CIP2A: variants seen among roughly 807,000 people sequenced by gnomAD.
The protein encoded by CIP2A is protein CIP2A.
A neutral mutation model predicts 110.9 loss-of-function variants in CIP2A; 103 were observed. The observed-to-expected ratio is 0.93, with a 90% CI of 0.79 to 1.09. The LOEUF is 1.09. Among genes scored for constraint, CIP2A ranks in the 50% least tolerant of loss-of-function variants. The probability of loss-of-function intolerance (pLI) is 0.00; values close to 1 mark genes in which losing one functional copy is unlikely to be tolerated. For synonymous variants in CIP2A, 381 were observed against 361.6 expected (o/e 1.05, Z -0.61); for missense variants, 1,088 against 1,038.4 (o/e 1.05, Z -0.66).
intron 10 of CIP2A, among the ~76,000 whole-genome samples, chr3:108,567,729 C>G (rs1938235450): frequency 6.6e-6 from 1 of 151,822 alleles, no homozygotes; most frequent in South Asian, 2.1e-4. Context: ...AAAATCATGA[C>G]AACTCTATCA....
At chr3:108,587,218 A>T (rs1939070779) in intron 1 of CIP2A, among the ~76,000 whole-genome samples, 1 of 152,220 alleles carries the variant, frequency 6.6e-6, no homozygotes, top group African/African-American at 2.4e-5. Context: ...ATCCACAAAA[A>T]ATGTATGTCT....
intron 2 of CIP2A, among the ~76,000 whole-genome samples, chr3:108,584,253 C>T (rs1938974280): frequency 6.6e-6 from 1 of 152,126 alleles, no homozygotes; most frequent in African/African-American, 2.4e-5. Flanking sequence ...CACTAGGCAG[C>T]TATTAAAGAT....
At chr3:108,566,706 G>T in intron 10 of CIP2A, 68 bp from the exon 11 acceptor site, 2 of 977,518 alleles carry the variant, frequency 2.0e-6, no homozygotes, top group Non-Finnish European at 2.9e-6. Context: ...CATTCAGGAT[G>T]ATTTCATACA....
chr3:108,581,368 G>A, intron 5 of CIP2A, 47 bp downstream of exon 5: 1 of 1,295,974 alleles, frequency 7.7e-7, no homozygotes, highest in Non-Finnish European at 1.1e-6. Context: ...TTTAAGCAGA[G>A]AATCTACCAT....
chr3:108,584,012 G>T (rs530534968), intron 2 of CIP2A, among the ~76,000 whole-genome samples: 20 of 152,296 alleles, frequency 1.3e-4, no homozygotes, highest in African/African-American at 4.3e-4. Context: ...ACTGTTGGTG[G>T]ATGTTAGAAG....
At chr3:108,568,115 T>A in intron 10 of CIP2A, 40 bp downstream of exon 10, 1 of 1,477,180 alleles carries the variant, frequency 6.8e-7, no homozygotes. Flanking sequence ...AAAAGAATGG[T>A]TAGTTATACA....
intron 8 of CIP2A, among the ~76,000 whole-genome samples, chr3:108,570,146 C>T (rs1938336662): frequency 1.3e-5 from 2 of 151,956 alleles, no homozygotes; most frequent in Non-Finnish European, 2.9e-5. Flanking sequence ...TATACCATAA[C>T]ATCCCCCATC....
At chr3:108,558,776 C>T (rs1036453879) in intron 16 of CIP2A, among the ~76,000 whole-genome samples, 10 of 152,034 alleles carry the variant, frequency 6.6e-5, no homozygotes, top group African/African-American at 2.4e-4. Context: ...AGTCAAGTGC[C>T]ACGACAAGGA....
chr3:108,550,064 C>T lies in CIP2A; in HGVS notation c.*1085G>A, dbSNP rs974818964. On this transcript the variant is annotated 3_prime_UTR_variant, in exon 21 of 21. Transcript: ENST00000295746. ...TGTACAAATCTAAATTCACTTAAAT[C>T]AAACAGACATATGGTGAAGAAAACA... The T allele has an allele frequency of 2.0e-5, 3 of 151,730 alleles. No individual in the cohort carries two copies. Among genetic ancestry groups the T allele is most frequent in the African/African-American group, 7.3e-5 (3 of 41,370 alleles). The allele number at this position is 151,730 out of a possible 1,614,324, so 9.4% of individuals were successfully genotyped here.
chr3:108,552,084 C>G, intron 20 of CIP2A, 150 bp downstream of exon 20: 1 of 546,942 alleles, frequency 1.8e-6, no homozygotes, highest in Non-Finnish European at 3.1e-6. Context: ...TTATGAAAAC[C>G]TCATAACAAA....
chr3:108,560,602 C>T, intron 14 of CIP2A, 47 bp downstream of exon 14: 1 of 1,173,606 alleles, frequency 8.5e-7, no homozygotes, highest in Non-Finnish European at 1.2e-6. Context: ...TTGGGACTGA[C>T]ATATAGCTAA....
intron 8 of CIP2A, among the ~76,000 whole-genome samples, chr3:108,575,377 CATGT>C (rs904484370): frequency 6.7e-6 from 1 of 149,498 alleles, no homozygotes; most frequent in Non-Finnish European, 1.5e-5. Flanking sequence ...TACACATATA[CATGT>C]ATGCGTGTAT....
At chr3:108,554,279 ATTAATT>A (rs1344472178) in intron 18 of CIP2A, 91 bp downstream of exon 18, 2 of 550,272 alleles carry the variant, frequency 3.6e-6, no homozygotes, top group East Asian at 6.4e-5. Flanking sequence ...TGACAATTCT[ATTAATT>A]TTATCAATAA....
Position 108,589,326 on chromosome 3 carries a change from TACTG to T in CIP2A, c.46_49del (p.Gln16ThrfsTer4), listed in dbSNP as rs1449932805. 2.1e-5 allele frequency: 34 copies of T among 1,614,002 alleles called. No individual in the cohort carries two copies. Among genetic ancestry groups the T allele is most frequent in the Non-Finnish European group, 2.6e-5 (31 of 1,180,002 alleles). The stretch of plus-strand genomic sequence containing the variant: ...GTTCGCCTCTGACTTCACGGCTTTG[TACTG>T]ACTGACAGTCAGGAGCAAGGACTTC... On this transcript the variant is annotated frameshift_variant, in exon 1 of 21. Coordinates refer to ENST00000295746, the MANE Select transcript of CIP2A (RefSeq NM_020890.3). LOFTEE classifies it high-confidence loss of function.
intron 4 of CIP2A, among the ~76,000 whole-genome samples, chr3:108,581,755 C>G (rs1017413749): frequency 6.6e-6 from 1 of 152,080 alleles, no homozygotes; most frequent in African/African-American, 2.4e-5. Flanking sequence ...TAACTGTCAG[C>G]GTGGACCATG....
At chr3:108,585,971 G>A (rs892299955) in intron 1 of CIP2A, among the ~76,000 whole-genome samples, 1 of 151,884 alleles carries the variant, frequency 6.6e-6, no homozygotes, top group Non-Finnish European at 1.5e-5. Flanking sequence ...AAGGCCAAAA[G>A]CAGTTGTCTC....
In CIP2A at chr3:108,553,731, C is replaced by A; in HGVS notation, c.2325-1G>T. On this transcript the variant is annotated splice_acceptor_variant, in intron 18 of 20. Coordinates refer to ENST00000295746, the MANE Select transcript of CIP2A (RefSeq NM_020890.3). LOFTEE classifies it high-confidence loss of function. ...TTTCTCTATTAATTGGGCAATACTT[C>A]TGAAGTTATTAAAAAAAATAGAAGA... is the stretch of plus-strand genomic sequence containing the variant. The A allele has an allele frequency of 6.8e-7, 1 of 1,471,832 alleles. No individual in the cohort carries two copies. Among genetic ancestry groups the A allele is most frequent in the South Asian group, 1.1e-5 (1 of 87,142 alleles). 91.2% of individuals were successfully genotyped at this position (1,471,832 alleles called of 1,614,324 possible). A position where few individuals can be genotyped will look rare whatever the true frequency, so the allele number is the denominator to read the frequency against.
chr3:108,551,080 C>A lies in CIP2A; in HGVS notation c.*69G>T. The A allele has an allele frequency of 4.0e-6, 2 of 495,556 alleles. No individual in the cohort carries two copies. The highest frequency in any genetic ancestry group is 3.4e-6 in the Non-Finnish European group (1 of 293,804). 30.7% of individuals were successfully genotyped at this position (495,556 alleles called of 1,614,324 possible). On this transcript the variant is annotated 3_prime_UTR_variant, in exon 21 of 21. Transcript: ENST00000295746. Reference sequence around the variant, plus strand: ...GAAGTCACAAATTAACTCCCCTACCCACCCCCCCTCCAATAGATAAATACA... The same window carrying A: ...GAAGTCACAAATTAACTCCCCTACCAACCCCCCCTCCAATAGATAAATACA...
At chr3:108,565,784 G>A (rs1308978402) in intron 11 of CIP2A, among the ~76,000 whole-genome samples, 1 of 151,644 alleles carries the variant, frequency 6.6e-6, no homozygotes, top group Non-Finnish European at 1.5e-5. Flanking sequence ...AACAACAGAC[G>A]GTAACCTTAG....
Sources: gnomAD v4.1 joint callset for allele counts (sites outside exome capture counted in the v4.1 genomes callset) on GRCh38, gnomAD v4.1.1 for gene constraint, MANE v1.5 for transcripts, NCBI Gene and HGNC (gene_info 2026-07-23, HGNC 2026-07-21) for gene names.